Variants in CLTCL1 observed in about 807,000 individuals in gnomAD.
The protein encoded by CLTCL1 is clathrin heavy chain like 1.
Under a neutral mutation model 190.0 loss-of-function variants are expected in CLTCL1, and 159 were observed. That is an observed-to-expected ratio of 0.84 (90% CI 0.74 to 0.95). The LOEUF (loss-of-function observed/expected upper bound fraction) is 0.95. CLTCL1 is among the 40% of genes least tolerant of loss of function. The pLI is 0.00. For synonymous variants in CLTCL1, 752 were observed against 769.6 expected (o/e 0.98, Z 0.38); for missense variants, 1,878 against 2,033.4 (o/e 0.92, Z 1.47).
At chr22:19,263,306 A>G (rs2087013686) in intron 2 of CLTCL1, among the ~76,000 whole-genome samples, 1 of 149,004 alleles carries the variant, frequency 6.7e-6, no homozygotes, top group African/African-American at 2.5e-5. Context: ...ATTCTTTGCC[A>G]TGCTGCTCTT....
chr22:19,179,614 GC>G lies in CLTCL1; in HGVS notation c.*375del. On this transcript the variant is annotated 3_prime_UTR_variant, in exon 33 of 33. Transcript: ENST00000427926. Reference sequence around the variant, plus strand: ...GGGGCAGCTCCAGCCAGTCGGAGGCGCCCAGGAGGAAGGCCTGGCTCCAGCA... The same window carrying G: ...GGGGCAGCTCCAGCCAGTCGGAGGCGCCAGGAGGAAGGCCTGGCTCCAGCA... 1 of 156,328 alleles carries G rather than the reference GC, an allele frequency of 6.4e-6. No homozygotes were observed. Among genetic ancestry groups the G allele is most frequent in the Non-Finnish European group, 1.4e-5 (1 of 70,330 alleles). The allele number at this position is 156,328 out of a possible 1,614,324, so 9.7% of individuals were successfully genotyped here. A position where few individuals can be genotyped will look rare whatever the true frequency, so the allele number is the denominator to read the frequency against.
rs782447534 is a variant in CLTCL1, at chr22:19,201,470, C to T, written c.3624G>A (p.Glu1208=). The T allele has an allele frequency of 6.2e-7, 1 of 1,613,638 alleles. No homozygotes were observed. Among genetic ancestry groups the T allele is most frequent in the Non-Finnish European group, 8.5e-7 (1 of 1,179,626 alleles). ...GCAGCTTGGCAGCCTCGTACATTCCCTCCTCGTAACAGCGGTCTCCAACCT... is the reference window on the plus strand; with the variant it reads ...GCAGCTTGGCAGCCTCGTACATTCCTTCCTCGTAACAGCGGTCTCCAACCT... ...IQQVGDRCYE[E]GMYEAAKLLY... is the part of the protein sequence containing the mutation. The change falls in exon 23 of 33, where the codon GAG becomes GAA. Residue 1208 remains glutamate, a synonymous_variant. Coordinates refer to ENST00000427926, the MANE Select transcript of CLTCL1 (RefSeq NM_007098.4).
intron 2 of CLTCL1, among the ~76,000 whole-genome samples, chr22:19,257,083 G>GA (rs2086786026): frequency 6.6e-6 from 1 of 152,120 alleles, no homozygotes; most frequent in African/African-American, 2.4e-5. Flanking sequence ...TATAAAAATA[G>GA]AAAAATCCAT....
intron 4 of CLTCL1, 50 bp downstream of exon 4, chr22:19,242,725 A>G (rs1171038491): frequency 7.5e-6 from 12 of 1,607,034 alleles, no homozygotes; most frequent in African/African-American, 1.3e-5. Flanking sequence ...CACCCCTAAC[A>G]CCAGCTCATG....
chr22:19,273,569 G>A (rs1208537259), intron 2 of CLTCL1, among the ~76,000 whole-genome samples: 1 of 152,044 alleles, frequency 6.6e-6, no homozygotes. Flanking sequence ...GTGAGACACA[G>A]CAAGCACAGA....
At chr22:19,205,609 T>G (rs1163801204) in intron 22 of CLTCL1, among the ~76,000 whole-genome samples, 1 of 152,248 alleles carries the variant, frequency 6.6e-6, no homozygotes, top group East Asian at 1.9e-4. Flanking sequence ...GGTAAAACTA[T>G]GTGGATCTTT....
chr22:19,182,918 G>A (rs1297314876), intron 30 of CLTCL1: 1 of 194,176 alleles, frequency 5.1e-6, no homozygotes, highest in East Asian at 1.3e-4. Flanking sequence ...CCTCCCTATA[G>A]CTGTTAGAAG....
At chr22:19,184,613 C>T (rs566603521) in intron 29 of CLTCL1, 15 of 454,488 alleles carry the variant, frequency 3.3e-5, no homozygotes, top group Middle Eastern at 3.3e-4. Flanking sequence ...GGACCTGTGA[C>T]GCCCGCTCAT....
chr22:19,217,934 A>T (rs2085443389), intron 18 of CLTCL1, among the ~76,000 whole-genome samples: 2 of 152,124 alleles, frequency 1.3e-5, no homozygotes, highest in South Asian at 4.1e-4. Flanking sequence ...GCAAAAATAA[A>T]TTTCTACCAT....
intron 2 of CLTCL1, among the ~76,000 whole-genome samples, chr22:19,259,630 A>G (rs807433): frequency 6.6e-6 from 1 of 152,156 alleles, no homozygotes; most frequent in African/African-American, 2.4e-5. Flanking sequence ...AACCACACAC[A>G]TATAAGATAG....
intron 2 of CLTCL1, among the ~76,000 whole-genome samples, chr22:19,267,563 A>G (rs1555978433): frequency 6.6e-6 from 1 of 152,222 alleles, no homozygotes; most frequent in Non-Finnish European, 1.5e-5. Context: ...CCAAATTACC[A>G]TAAAGCTACA....
At position 19,225,493 on chromosome 22, in the gene CLTCL1, C is replaced by A. The variant is rs1404516580; in HGVS notation, c.2088G>T (p.Gln696His). ...ASKYHEQLGTQALVELFESFK... is the reference protein window; with the variant it reads ...ASKYHEQLGTHALVELFESFK... ...AGGATTCAAAGAGCTCCACCAGGGC[C>A]TGCGTGCCCAGCTGCTCGTGGTACT... The change falls in exon 13 of 33, where the codon CAG (glutamine) becomes CAT (histidine). Residue 696 changes from glutamine (Q) to histidine (H), a missense_variant. Coordinates refer to ENST00000427926, the MANE Select transcript of CLTCL1 (RefSeq NM_007098.4). 1.3e-6 allele frequency: 2 copies of A among 1,588,010 alleles called. No homozygotes were observed. Among genetic ancestry groups the A allele is most frequent in the Non-Finnish European group, 1.7e-6 (2 of 1,166,638 alleles).
chr22:19,180,153 C>A, intron 32 of CLTCL1, 46 bp downstream of exon 32: 24 of 1,555,492 alleles, frequency 1.5e-5, no homozygotes, highest in Non-Finnish European at 2.0e-5. Flanking sequence ...AGCCAGAGAA[C>A]CTGGCCTGGC....
At chr22:19,240,070 T>C (rs546922017) in intron 4 of CLTCL1, among the ~76,000 whole-genome samples, 3 of 151,002 alleles carry the variant, frequency 2.0e-5, no homozygotes, top group Non-Finnish European at 2.9e-5. Flanking sequence ...TGCCTCAGCC[T>C]CCCAAGTAGC....
intron 21 of CLTCL1, among the ~76,000 whole-genome samples, chr22:19,208,580 T>G (rs1319862826): frequency 1.3e-5 from 2 of 151,960 alleles, no homozygotes; most frequent in Non-Finnish European, 2.9e-5. Flanking sequence ...GTTCTGGACA[T>G]CAGAGAGGTC....
chr22:19,253,075 G>A (rs2086647028), intron 3 of CLTCL1, among the ~76,000 whole-genome samples: 1 of 151,028 alleles, frequency 6.6e-6, no homozygotes, highest in Admixed American at 6.6e-5. Context: ...TAGAATATGA[G>A]TTAGTAACAT....
Position 19,179,846 on chromosome 22 carries a change from T to C in CLTCL1, c.*144A>G, listed in dbSNP as rs1048287927. The C allele has an allele frequency of 2.1e-4, 69 of 325,592 alleles. No individual in the cohort carries two copies. The highest frequency in any genetic ancestry group is 3.8e-4 in the Non-Finnish European group (66 of 173,544). The allele number at this position is 325,592 out of a possible 1,614,324, so 20.2% of individuals were successfully genotyped here. ...TGCTCCTTGGAGAAGTTAGTAACTC[T>C]GCAGGTAGGGTGGGTGGTGACAACG... On this transcript the variant is annotated 3_prime_UTR_variant, in exon 33 of 33. Transcript: ENST00000427926.
intron 1 of CLTCL1, among the ~76,000 whole-genome samples, chr22:19,281,126 T>TA (rs71184796): frequency 0.18 from 26,590 of 149,064 alleles, 2,495 homozygotes; most frequent in East Asian, 0.37. Flanking sequence ...CTGTCTCTAC[T>TA]AAAAAAAAAT....
Position 19,254,103 on chromosome 22 carries a change from G to C in CLTCL1, c.375C>G (p.Thr125=). 3.7e-6 allele frequency: 6 copies of C among 1,613,070 alleles called. No homozygotes were observed. The highest frequency in any genetic ancestry group is 5.1e-6 in the Non-Finnish European group (6 of 1,179,440). The change falls in exon 3 of 33, where the codon ACC becomes ACG. Residue 125 remains threonine, a synonymous_variant. Coordinates refer to ENST00000427926, the MANE Select transcript of CLTCL1 (RefSeq NM_007098.4). ...SVNTVALVTE[T]AVYHWSMEGD... Reference sequence around the variant, plus strand: ...CTTCCATGCTCCAGTGGTAGACCGCGGTCTCGGTCACCAAGGCAACAGTGT... The same window carrying C: ...CTTCCATGCTCCAGTGGTAGACCGCCGTCTCGGTCACCAAGGCAACAGTGT...
Sources: gnomAD v4.1 joint callset for allele counts (sites outside exome capture counted in the v4.1 genomes callset) on GRCh38, gnomAD v4.1.1 for gene constraint, MANE v1.5 for transcripts, NCBI Gene and HGNC (gene_info 2026-07-23, HGNC 2026-07-21) for gene names.